The following FAM149A variants were observed in gnomAD, a reference collection of about 807,000 sequenced individuals.
The protein encoded by FAM149A is family with sequence similarity 149 member A.
A neutral mutation model predicts 78.2 loss-of-function variants in FAM149A; 71 were observed. The ratio of observed to expected loss-of-function variants is 0.91; its 90% CI spans 0.75 to 1.11. The LOEUF is 1.11. Among genes scored for constraint, FAM149A ranks in the 50% least tolerant of loss-of-function variants. FAM149A has a pLI of 0.00. For synonymous variants in FAM149A, 446 were observed against 410.5 expected (o/e 1.09, Z -1.04); for missense variants, 1,036 against 971.0 (o/e 1.07, Z -0.89).
chr4:186,150,473 G>A (rs1196895750), intron 3 of FAM149A, among the ~76,000 whole-genome samples: 3 of 117,052 alleles, frequency 2.6e-5, no homozygotes, highest in Admixed American at 9.7e-5. Context: ...AGGCTGGAGT[G>A]CAGGGGCGCG....
At chr4:186,125,792 T>G (rs765774888) in intron 1 of FAM149A, 9 of 985,298 alleles carry the variant, frequency 9.1e-6, no homozygotes, top group Non-Finnish European at 1.1e-5. Context: ...GCTGGGGCCA[T>G]GAATACCCAA....
chr4:186,137,263 T>C (rs910101334), intron 1 of FAM149A, among the ~76,000 whole-genome samples: 10 of 147,258 alleles, frequency 6.8e-5, no homozygotes, highest in Admixed American at 3.4e-4. Context: ...TTTTTTTTTT[T>C]CTATATAAAA....
At chr4:186,159,322 G>A (rs1384370808) in intron 8 of FAM149A, among the ~76,000 whole-genome samples, 1 of 152,158 alleles carries the variant, frequency 6.6e-6, no homozygotes, top group Non-Finnish European at 1.5e-5. Flanking sequence ...ACAGGAGGGG[G>A]ATTGGTCTTT....
chr4:186,150,529 C>T (rs1164735116), intron 3 of FAM149A, among the ~76,000 whole-genome samples: 6 of 135,520 alleles, frequency 4.4e-5, no homozygotes, highest in Non-Finnish European at 9.4e-5. Context: ...ACGCCATTCT[C>T]CTGCCTCAGC....
Position 186,167,226 on chromosome 4 carries a change from GC to G in FAM149A, c.2183del (p.Ala728ValfsTer11). On this transcript the variant is annotated frameshift_variant, in exon 13 of 14. Transcript: ENST00000389354. LOFTEE classifies it high-confidence loss of function. ...AAGTTCATTGACACAAATGGAATTTGCTGCTCACACATGGACAGGTCAAAGT... is the reference window on the plus strand; with the variant it reads ...AAGTTCATTGACACAAATGGAATTTGTGCTCACACATGGACAGGTCAAAGT... 6.2e-7 allele frequency: 1 copy of G among 1,612,008 alleles called. No homozygotes were observed. The highest frequency in any genetic ancestry group is 8.5e-7 in the Non-Finnish European group (1 of 1,178,100).
intron 8 of FAM149A, chr4:186,158,248 G>A: frequency 1.6e-6 from 2 of 1,252,096 alleles, no homozygotes; most frequent in Non-Finnish European, 1.0e-6. Flanking sequence ...CCTTCCGGGA[G>A]CCATGTCTGC....
Position 186,146,916 on chromosome 4 carries a change from G to A in FAM149A, c.567-2257G>A, listed in dbSNP as rs1579867623. ...TCGCCGTTTGAGTCTTTCAACCGAGGGCATCTTTTGTGTGACGAGTGTTAT... is the reference window on the plus strand; with the variant it reads ...TCGCCGTTTGAGTCTTTCAACCGAGAGCATCTTTTGTGTGACGAGTGTTAT... On this transcript the variant is annotated intron_variant, in intron 1 of 13. Coordinates refer to ENST00000389354, the MANE Select transcript of FAM149A (RefSeq NM_001367768.3). The A allele has an allele frequency of 3.0e-6, 3 of 985,378 alleles. No homozygotes were observed. The Admixed American group carries it at 1.8e-4, about 61-fold the overall frequency. The allele number at this position is 985,378 out of a possible 1,614,324, so 61.0% of individuals were successfully genotyped here. A position where few individuals can be genotyped will look rare whatever the true frequency, so the allele number is the denominator to read the frequency against.
In FAM149A at chr4:186,156,074, C is replaced by T; in HGVS notation, c.1304C>T (p.Ser435Phe). 2 of 1,613,814 alleles carry T rather than the reference C, an allele frequency of 1.2e-6. No homozygotes were observed. The highest frequency in any genetic ancestry group is 1.7e-5 in the Admixed American group (1 of 60,010). ...CGCAAACTCGGACTTCCTCCTGTTT[C>T]CCCGCGTGACTGTGTCAAAGATGCC... Residue 435 changes from serine to phenylalanine, a missense_variant, in exon 7 of 14, where the codon TCC becomes TTC. By Grantham distance (155) the Ser-to-Phe change is radical (BLOSUM62 -2). Around this residue, in one of 3 missense-constraint regions of FAM149A, gnomAD observed 716 missense variants for 711.8 expected, o/e 1.01. Coordinates refer to ENST00000389354, the MANE Select transcript of FAM149A (RefSeq NM_001367768.3).
chr4:186,136,932 ATTGATCTC>A (rs1165675861), intron 1 of FAM149A, among the ~76,000 whole-genome samples: 4 of 124,552 alleles, frequency 3.2e-5, no homozygotes, highest in South Asian at 2.7e-4. Flanking sequence ...AAATACACTG[ATTGATCTC>A]TCTCTCTCTC....
intron 1 of FAM149A, among the ~76,000 whole-genome samples, chr4:186,108,298 C>A (rs758810137): frequency 6.6e-6 from 1 of 151,930 alleles, no homozygotes; most frequent in Non-Finnish European, 1.5e-5. Context: ...GCAAGAAATG[C>A]GGATCTAATT....
At chr4:186,119,241 C>G (rs1033300749) in intron 1 of FAM149A, among the ~76,000 whole-genome samples, 1 of 152,118 alleles carries the variant, frequency 6.6e-6, no homozygotes, top group African/African-American at 2.4e-5. Context: ...TTTAACAGGA[C>G]ATGATTTTCT....
At chr4:186,170,134 C>T (rs984195901) in intron 13 of FAM149A, among the ~76,000 whole-genome samples, 18 of 152,216 alleles carry the variant, frequency 1.2e-4, no homozygotes, top group African/African-American at 3.1e-4. Context: ...CCATGCAGCT[C>T]GGCAGGGCCT....
intron 4 of FAM149A, among the ~76,000 whole-genome samples, 182 bp downstream of exon 4, chr4:186,152,227 A>G (rs538897554): frequency 7.9e-4 from 120 of 152,326 alleles, no homozygotes; most frequent in South Asian, 2.1e-3. Flanking sequence ...ATACTGAGAC[A>G]TTCCAGTACT....
intron 8 of FAM149A, chr4:186,157,982 C>A (rs558780268): frequency 1.3e-6 from 2 of 1,501,510 alleles, no homozygotes; most frequent in Admixed American, 4.0e-5. Context: ...GCGGCACCAC[C>A]CTTGGCTTCC....
At chr4:186,142,953 T>C (rs2099326469) in intron 1 of FAM149A, among the ~76,000 whole-genome samples, 2 of 152,146 alleles carry the variant, frequency 1.3e-5, no homozygotes, top group African/African-American at 4.8e-5. Flanking sequence ...TTCACACATA[T>C]ACATCCTAGC....
At chr4:186,113,286 C>T (rs1354659106) in intron 1 of FAM149A, among the ~76,000 whole-genome samples, 1 of 123,316 alleles carries the variant, frequency 8.1e-6, no homozygotes, top group African/African-American at 3.1e-5. Flanking sequence ...ATTCTTCTCT[C>T]TTTTTTTATT....
intron 1 of FAM149A, chr4:186,133,322 A>G (rs2099321547): frequency 4.7e-6 from 2 of 421,338 alleles, no homozygotes; most frequent in Non-Finnish European, 6.4e-6. Flanking sequence ...TCATCATCTC[A>G]AACAAACTCA....
chr4:186,138,201 G>A (rs2099324305), intron 1 of FAM149A, among the ~76,000 whole-genome samples: 2 of 152,004 alleles, frequency 1.3e-5, no homozygotes, highest in South Asian at 2.1e-4. Flanking sequence ...TACTATTCAG[G>A]GTTTTTCAGA....
chr4:186,108,961 C>A (rs2099310010), intron 1 of FAM149A: 1 of 151,480 alleles, frequency 6.6e-6, no homozygotes, highest in Non-Finnish European at 1.5e-5. Flanking sequence ...CATTCTCCTG[C>A]CTCAGCCTCC....
Sources: allele counts gnomAD v4.1 joint callset (sites outside exome capture counted in the v4.1 genomes callset), GRCh38; gene constraint gnomAD v4.1.1; regional missense constraint gnomAD v4.1.1; transcripts MANE v1.5; gene names NCBI Gene and HGNC (gene_info 2026-07-23, HGNC 2026-07-21).